DLG2: variants seen among roughly 807,000 people sequenced by gnomAD.
The protein encoded by DLG2 is discs large MAGUK scaffold protein 2.
A neutral mutation model predicts 132.5 loss-of-function variants in DLG2; 45 were observed. That is an observed-to-expected ratio of 0.34 (90% CI 0.27 to 0.44). The LOEUF is 0.44. DLG2 is among the 20% of genes least tolerant of loss of function. The probability of loss-of-function intolerance (pLI) is 1.00; values close to 1 mark genes in which losing one functional copy is unlikely to be tolerated. For missense variants in DLG2, 1,045 were observed against 1,196.9 expected (o/e 0.87, Z 1.87); for synonymous variants, 424 against 419.6 (o/e 1.01, Z -0.13).
intron 11 of DLG2, among the ~76,000 whole-genome samples, chr11:84,041,984 C>A: frequency 6.6e-6 from 1 of 151,860 alleles, no homozygotes; most frequent in African/African-American, 2.4e-5. Flanking sequence ...TGAGATGTGC[C>A]TTTCACCTTC....
At chr11:85,342,918 G>A (rs769107217) in intron 3 of DLG2, among the ~76,000 whole-genome samples, 19 of 152,166 alleles carry the variant, frequency 1.2e-4, no homozygotes, top group South Asian at 6.2e-4. Flanking sequence ...GTAATATGTA[G>A]AAATATACTA....
intron 8 of DLG2, among the ~76,000 whole-genome samples, chr11:84,201,556 G>C (rs890518150): frequency 6.8e-6 from 1 of 146,396 alleles, no homozygotes; most frequent in African/African-American, 2.5e-5. Context: ...GTAGAATTTA[G>C]CTGTTTATAT....
At chr11:84,411,667 T>G (rs2098905155) in intron 7 of DLG2, among the ~76,000 whole-genome samples, 1 of 152,182 alleles carries the variant, frequency 6.6e-6, no homozygotes, top group African/African-American at 2.4e-5. Context: ...GAAACACATT[T>G]TCATTTTGTA....
chr11:83,998,503 C>G (rs1384974908), intron 11 of DLG2, among the ~76,000 whole-genome samples: 1 of 152,118 alleles, frequency 6.6e-6, no homozygotes, highest in Non-Finnish European at 1.5e-5. Flanking sequence ...AAAAAGGAAG[C>G]AAGGCATCCT....
chr11:84,208,203 A>G (rs2096701036), intron 8 of DLG2, among the ~76,000 whole-genome samples: 2 of 152,064 alleles, frequency 1.3e-5, no homozygotes, highest in Admixed American at 6.5e-5. Flanking sequence ...CCATTGATTT[A>G]TGTCTTTGCC....
chr11:85,376,226 G>A (rs553136367), intron 3 of DLG2, among the ~76,000 whole-genome samples: 1 of 152,268 alleles, frequency 6.6e-6, no homozygotes, highest in East Asian at 1.9e-4. Context: ...TATAGAGGGA[G>A]GAGAGATGAA....
chr11:85,509,080 T>C (rs2093999334), intron 3 of DLG2, among the ~76,000 whole-genome samples: 1 of 152,094 alleles, frequency 6.6e-6, no homozygotes, highest in Non-Finnish European at 1.5e-5. Context: ...ATTTACTACA[T>C]ATTACTGATT....
intron 3 of DLG2, among the ~76,000 whole-genome samples, chr11:85,548,778 T>C (rs1379229759): frequency 6.6e-6 from 1 of 152,150 alleles, no homozygotes; most frequent in Non-Finnish European, 1.5e-5. Context: ...CCAGTGTCTT[T>C]GTTTATACTG....
intron 6 of DLG2, among the ~76,000 whole-genome samples, chr11:84,616,342 A>G (rs1286839861): frequency 3.9e-5 from 6 of 152,264 alleles, no homozygotes; most frequent in African/African-American, 1.4e-4. Context: ...TTTATGTACA[A>G]TGAAATATTA....
At chr11:84,966,147 T>G (rs1310801553) in intron 6 of DLG2, among the ~76,000 whole-genome samples, 1 of 152,038 alleles carries the variant, frequency 6.6e-6, no homozygotes, top group Non-Finnish European at 1.5e-5. Flanking sequence ...TCATCATAAT[T>G]AGCTTAAAGC....
At chr11:85,449,354 C>T (rs2092142081) in intron 3 of DLG2, among the ~76,000 whole-genome samples, 1 of 151,914 alleles carries the variant, frequency 6.6e-6, no homozygotes, top group Non-Finnish European at 1.5e-5. Context: ...TTATGTTTTT[C>T]ACCTCTTTGT....
At chr11:84,235,037 C>G (rs2097141177) in intron 8 of DLG2, among the ~76,000 whole-genome samples, 1 of 152,178 alleles carries the variant, frequency 6.6e-6, no homozygotes, top group South Asian at 2.1e-4. Flanking sequence ...CTAATAAGAA[C>G]CTTGGTCTCC....
chr11:83,507,726 G>C (rs932497859), intron 21 of DLG2, among the ~76,000 whole-genome samples: 23 of 124,086 alleles, frequency 1.9e-4, no homozygotes, highest in Non-Finnish European at 3.1e-4. Flanking sequence ...ATGCGATATT[G>C]TTTTTTATTT....
chr11:84,582,470 T>C (rs1390381627), intron 6 of DLG2, among the ~76,000 whole-genome samples: 2 of 148,558 alleles, frequency 1.3e-5, no homozygotes, highest in Admixed American at 6.8e-5. Flanking sequence ...TATATACATA[T>C]AAATACATAT....
At chr11:85,381,615 C>A (rs1302904438) in intron 3 of DLG2, among the ~76,000 whole-genome samples, 2 of 151,660 alleles carry the variant, frequency 1.3e-5, no homozygotes, top group African/African-American at 4.8e-5. Flanking sequence ...GGAATTCACA[C>A]ACAAAAAAGA....
At chr11:85,045,843 G>T (rs371502580) in intron 6 of DLG2, among the ~76,000 whole-genome samples, 1 of 152,166 alleles carries the variant, frequency 6.6e-6, no homozygotes, top group Non-Finnish European at 1.5e-5. Flanking sequence ...TGGAAGAGAA[G>T]AATAACTTCT....
chr11:84,256,081 T>C (rs2097464267), intron 7 of DLG2, among the ~76,000 whole-genome samples: 1 of 152,164 alleles, frequency 6.6e-6, no homozygotes, highest in Non-Finnish European at 1.5e-5. Context: ...GACATACAAA[T>C]GTTCTCAGAT....
At chr11:84,246,734 T>G (rs1300733032) in intron 8 of DLG2, among the ~76,000 whole-genome samples, 1 of 152,182 alleles carries the variant, frequency 6.6e-6, no homozygotes, top group Non-Finnish European at 1.5e-5. Flanking sequence ...TATATAGGAT[T>G]TGGCATTATC....
intron 5 of DLG2, among the ~76,000 whole-genome samples, chr11:85,154,135 G>GAAAAAAAAA (rs34094958): frequency 1.7e-5 from 1 of 57,674 alleles, no homozygotes; most frequent in Non-Finnish European, 3.3e-5. Flanking sequence ...TTCTTTTGGA[G>GAAAAAAAAA]AAAAAAAAAA....
Sources: allele counts gnomAD v4.1 joint callset (sites outside exome capture counted in the v4.1 genomes callset), GRCh38; gene constraint gnomAD v4.1.1; transcripts MANE v1.5; gene names NCBI Gene and HGNC (gene_info 2026-07-23, HGNC 2026-07-21).